TTC29: variants seen among roughly 807,000 people sequenced by gnomAD.
TTC29 encodes the protein tetratricopeptide repeat domain 29, also known as tetratricopeptide repeat protein 29.
Under a neutral mutation model 58.1 loss-of-function variants are expected in TTC29, and 49 were observed. The ratio of observed to expected loss-of-function variants is 0.84; its 90% confidence interval spans 0.67 to 1.07. The LOEUF is 1.07. Ranked by LOEUF, TTC29 falls within the 50% of genes least tolerant of loss-of-function variation. The pLI, the probability that TTC29 is intolerant of heterozygous loss-of-function variation, is 0.00. For missense variants in TTC29, 582 were observed against 555.6 expected (o/e 1.05, Z -0.48); for synonymous variants, 209 against 196.8 (o/e 1.06, Z -0.52).
intron 9 of TTC29, among the ~76,000 whole-genome samples, chr4:146,822,567 G>A (rs1751925189): frequency 6.6e-6 from 1 of 152,140 alleles, no homozygotes; most frequent in Non-Finnish European, 1.5e-5. Flanking sequence ...TGTCTTTATA[G>A]TAGAATGATG....
chr4:146,905,398 A>G (rs1733455803), intron 5 of TTC29, among the ~76,000 whole-genome samples: 1 of 150,480 alleles, frequency 6.6e-6, no homozygotes, highest in Non-Finnish European at 1.5e-5. Context: ...TTAAACCTTA[A>G]TGTAAAAATA....
intron 8 of TTC29, among the ~76,000 whole-genome samples, chr4:146,847,096 A>T (rs190605868): frequency 6.1e-4 from 93 of 152,330 alleles, no homozygotes; most frequent in Admixed American, 4.7e-3. Flanking sequence ...CAGTGATAGA[A>T]GAGACAAGAT....
chr4:146,750,170 G>T (rs540075514), intron 11 of TTC29, among the ~76,000 whole-genome samples: 1 of 152,046 alleles, frequency 6.6e-6, no homozygotes, highest in Admixed American at 6.6e-5. Flanking sequence ...ACCAGGCTTG[G>T]CTAATTTTTT....
At position 146,909,066 on chromosome 4, in the gene TTC29, C is replaced by G. The variant is rs1347393507; in HGVS notation, c.360G>C (p.Leu120=). The G allele has an allele frequency of 1.2e-6, 2 of 1,613,824 alleles. No individual in the cohort carries two copies. Among genetic ancestry groups the G allele is most frequent in the Non-Finnish European group, 1.7e-6 (2 of 1,179,862 alleles). ...CCTCAGCCCTGGTCAGGTAATGGTA[C>G]AGGTAATCCAGTTTATCAGGCTGCT... ...LEEQPDKLDY[L]YHYLTRAEDA... is the part of the protein sequence containing the mutation. The change falls in exon 5 of 13, where the codon CTG becomes CTC. Residue 120 remains leucine, a synonymous_variant. Coordinates refer to ENST00000325106, the MANE Select transcript of TTC29 (RefSeq NM_031956.4).
chr4:146,865,227 T>C (rs1730488306), intron 8 of TTC29, among the ~76,000 whole-genome samples: 1 of 152,196 alleles, frequency 6.6e-6, no homozygotes, highest in Non-Finnish European at 1.5e-5. Flanking sequence ...ACACCAGCAT[T>C]TCCACCTCTA....
Position 146,790,274 on chromosome 4 carries a change from T to C in TTC29, c.1330+13183A>G, listed in dbSNP as rs1182092855. On this transcript the variant is annotated intron_variant, in intron 11 of 12. Coordinates refer to ENST00000325106, the MANE Select transcript of TTC29 (RefSeq NM_031956.4). Reference sequence around the variant, plus strand: ...CGCGATCTCGGCTCTCTGCAAGCTCTGCCTCCCAGGTTCACGCCATTCTCC... The same window carrying C: ...CGCGATCTCGGCTCTCTGCAAGCTCCGCCTCCCAGGTTCACGCCATTCTCC... Among the ~76,000 whole-genome samples the C allele has an allele frequency of 5.3e-5, 8 of 151,898 alleles. No individual in the cohort carries two copies. In the South Asian group the frequency reaches 1.7e-3, roughly 32 times the overall value.
intron 8 of TTC29, among the ~76,000 whole-genome samples, chr4:146,848,774 C>T (rs1729335323): frequency 2.0e-5 from 3 of 152,138 alleles, no homozygotes; most frequent in African/African-American, 7.2e-5. Flanking sequence ...CCAGCTGGTT[C>T]CACCCATTTG....
chr4:146,720,906 T>C (rs1743306967), intron 11 of TTC29, among the ~76,000 whole-genome samples: 1 of 152,112 alleles, frequency 6.6e-6, no homozygotes, highest in Admixed American at 6.6e-5. Context: ...TCAACAGATA[T>C]TCATTGAGAA....
chr4:146,920,642 ACTTAT>A (rs139370654), intron 4 of TTC29, among the ~76,000 whole-genome samples: 23,803 of 150,914 alleles, frequency 0.16, 2,977 homozygotes, highest in African/African-American at 0.34. Context: ...CACTTATAAA[ACTTAT>A]CTTTTACAAA....
In TTC29 at chr4:146,745,557, G is replaced by C. The variant is rs187706036; in HGVS notation, c.1331-38006C>G. Among the ~76,000 whole-genome samples the C allele has an allele frequency of 3.9e-5, 6 of 152,308 alleles. No individual in the cohort carries two copies. The East Asian group carries it at 1.2e-3, about 29-fold the overall frequency. ...ATTAAATGAAATTGAGCTAAAGTCT[G>C]AACAATGGTTAGACTTGTTTAGCTA... On this transcript the variant is annotated intron_variant, in intron 11 of 12. Coordinates refer to ENST00000325106, the MANE Select transcript of TTC29 (RefSeq NM_031956.4).
intron 11 of TTC29, among the ~76,000 whole-genome samples, chr4:146,737,592 G>GA (rs894902457): frequency 2.4e-5 from 2 of 82,864 alleles, no homozygotes; most frequent in African/African-American, 1.1e-4. Context: ...AGTAGCCCTG[G>GA]GGGGGGGGGG....
chr4:146,839,450 C>T (rs1391354983), intron 8 of TTC29, among the ~76,000 whole-genome samples: 1 of 151,792 alleles, frequency 6.6e-6, no homozygotes, highest in Non-Finnish European at 1.5e-5. Flanking sequence ...ACGGGTAACC[C>T]CCAAATATGT....
At chr4:146,861,389 C>T (rs921601352) in intron 8 of TTC29, among the ~76,000 whole-genome samples, 4 of 152,194 alleles carry the variant, frequency 2.6e-5, no homozygotes, top group African/African-American at 9.6e-5. Context: ...TTTCCTTCCC[C>T]AGCACATGGC....
chr4:146,888,761 TA>T (rs1732159624), intron 6 of TTC29, among the ~76,000 whole-genome samples: 1 of 152,176 alleles, frequency 6.6e-6, no homozygotes, highest in Non-Finnish European at 1.5e-5. Flanking sequence ...ACACAGTTTT[TA>T]ATTACTAATC....
intron 6 of TTC29, among the ~76,000 whole-genome samples, chr4:146,878,064 T>G (rs1427766488): frequency 6.6e-6 from 1 of 152,108 alleles, no homozygotes; most frequent in Non-Finnish European, 1.5e-5. Context: ...TGTGTTACCT[T>G]ACTGAGTCTT....
chr4:146,824,891 AG>A (rs973013054), intron 9 of TTC29, among the ~76,000 whole-genome samples: 2 of 152,078 alleles, frequency 1.3e-5, no homozygotes, highest in African/African-American at 4.8e-5. Flanking sequence ...ATTTGTGTAT[AG>A]TTGTTTACCA....
chr4:146,889,009 C>T lies in TTC29; in HGVS notation c.587-14081G>A, dbSNP rs191136804. Among the ~76,000 whole-genome samples the T allele has an allele frequency of 4.5e-3, 685 of 152,324 alleles. 2 individuals are homozygous for T. Among genetic ancestry groups the T allele is most frequent in the African/African-American group, 0.015 (639 of 41,578 alleles). On this transcript the variant is annotated intron_variant, in intron 6 of 12. Coordinates refer to ENST00000325106, the MANE Select transcript of TTC29 (RefSeq NM_031956.4). ...TCTAACACATTTTTCCACTGCTACACTTGAGTGATGCTCAAATGTCATTTT... is the reference window on the plus strand; with the variant it reads ...TCTAACACATTTTTCCACTGCTACATTTGAGTGATGCTCAAATGTCATTTT...
chr4:146,942,764 C>T (rs1736529579), intron 2 of TTC29: 1 of 678,584 alleles, frequency 1.5e-6, no homozygotes, highest in Non-Finnish European at 2.3e-6. Context: ...AAATTTTAGA[C>T]TCTTTTCTAA....
chr4:146,883,671 T>C (rs1731785599), intron 6 of TTC29, among the ~76,000 whole-genome samples: 1 of 152,032 alleles, frequency 6.6e-6, no homozygotes, highest in African/African-American at 2.4e-5. Context: ...TAGCAAGAAC[T>C]GTGGGCTCGG....
Sources: allele counts gnomAD v4.1 joint callset (sites outside exome capture counted in the v4.1 genomes callset), GRCh38; gene constraint gnomAD v4.1.1; transcripts MANE v1.5; gene names NCBI Gene and HGNC (gene_info 2026-07-23, HGNC 2026-07-21).